The following THSD7B variants were observed in gnomAD, a reference collection of about 807,000 sequenced individuals.
THSD7B encodes thrombospondin type 1 domain containing 7B, also known as thrombospondin type-1 domain-containing protein 7B.
In THSD7B, 138 loss-of-function variants were observed where a neutral mutation model predicts 213.6. That is an observed-to-expected ratio of 0.65 (90% CI 0.56 to 0.74). The LOEUF (loss-of-function observed/expected upper bound fraction) is 0.74, where lower values mean the gene tolerates loss of function less well. THSD7B is among the 30% of genes least tolerant of loss of function. The probability of loss-of-function intolerance (pLI) is 0.00; values close to 1 mark genes in which losing one functional copy is unlikely to be tolerated. For missense variants in THSD7B, 1,931 were observed against 1,991.5 expected (o/e 0.97, Z 0.58); for synonymous variants, 742 against 687.0 (o/e 1.08, Z -1.25).
At chr2:136,767,490 T>TTG (rs1325519035) in intron 1 of THSD7B, among the ~76,000 whole-genome samples, 1 of 100,158 alleles carries the variant, frequency 1.0e-5, no homozygotes, top group African/African-American at 3.1e-5. Context: ...TTGTGTGTAT[T>TTG]TGTGTGTGTG....
At chr2:136,840,621 G>T (rs1682907361) in intron 1 of THSD7B, among the ~76,000 whole-genome samples, 2 of 152,086 alleles carry the variant, frequency 1.3e-5, no homozygotes, top group South Asian at 2.1e-4. Flanking sequence ...AAAGTAAACA[G>T]GTCCAGATCA....
intron 12 of THSD7B, among the ~76,000 whole-genome samples, chr2:137,318,454 G>A (rs1004220907): frequency 6.6e-6 from 1 of 151,992 alleles, no homozygotes; most frequent in Non-Finnish European, 1.5e-5. Flanking sequence ...CACCCAGGAG[G>A]TACAATATAG....
intron 15 of THSD7B, among the ~76,000 whole-genome samples, chr2:137,456,689 A>G (rs1377436): frequency 0.98 from 149,859 of 152,304 alleles, 73,770 homozygotes; most frequent in Non-Finnish European, 1. Context: ...TCTTACATGC[A>G]GAGGGGAGGT....
rs901209819 is a variant in THSD7B at position 137,607,554 on chromosome 2, T to C, written c.3424-8621T>C. ...GTTCTCATGGGTCGCAATAATGTCC[T>C]TTATAGTGTTTATATTTTTTTGATT... On this transcript the variant is annotated intron_variant, in intron 17 of 27. Coordinates refer to ENST00000409968, the MANE Select transcript of THSD7B (RefSeq NM_001316349.2). Among the ~76,000 whole-genome samples, 6 of 152,324 alleles carry C rather than the reference T, an allele frequency of 3.9e-5. No individual in the cohort carries two copies. The South Asian group carries it at 8.3e-4, about 21-fold the overall frequency.
intron 2 of THSD7B, among the ~76,000 whole-genome samples, chr2:136,976,901 G>A (rs946371698): frequency 3.9e-5 from 6 of 152,144 alleles, no homozygotes; most frequent in East Asian, 3.9e-4. Context: ...GATTACAGGC[G>A]TGAGCCACCG....
intron 12 of THSD7B, among the ~76,000 whole-genome samples, chr2:137,379,430 C>CAT (rs752885192): frequency 3.9e-5 from 6 of 152,096 alleles, no homozygotes; most frequent in Non-Finnish European, 7.4e-5. Context: ...TCAAAAGTTG[C>CAT]ATATATGTCA....
intron 2 of THSD7B, among the ~76,000 whole-genome samples, chr2:137,046,815 C>T (rs1046798858): frequency 6.6e-6 from 1 of 150,942 alleles, no homozygotes; most frequent in African/African-American, 2.4e-5. Context: ...ATTGGGGGAA[C>T]CGAAAGGTGG....
chr2:136,999,219 G>T (rs1409472294), intron 2 of THSD7B, among the ~76,000 whole-genome samples: 3 of 152,038 alleles, frequency 2.0e-5, no homozygotes, highest in Non-Finnish European at 2.9e-5. Context: ...CTACTTTTCT[G>T]GCACAATAGA....
At chr2:137,398,826 C>A (rs996657447) in intron 12 of THSD7B, among the ~76,000 whole-genome samples, 1 of 152,222 alleles carries the variant, frequency 6.6e-6, no homozygotes, top group Admixed American at 6.5e-5. Context: ...ATTCCGTGGG[C>A]GTAGGACCCT....
chr2:137,165,678 A>G (rs1045970456), intron 6 of THSD7B, among the ~76,000 whole-genome samples: 3 of 152,222 alleles, frequency 2.0e-5, no homozygotes, highest in South Asian at 4.1e-4. Flanking sequence ...TCACATCTGA[A>G]TTCTCTACTC....
intron 7 of THSD7B, among the ~76,000 whole-genome samples, chr2:137,211,309 A>G (rs991177476): frequency 8.0e-6 from 1 of 124,638 alleles, no homozygotes; most frequent in African/African-American, 2.7e-5. Flanking sequence ...TTGCTTGTCT[A>G]TTCAACAGAC....
intron 2 of THSD7B, among the ~76,000 whole-genome samples, chr2:136,926,259 T>G (rs1411302558): frequency 6.6e-6 from 1 of 152,156 alleles, no homozygotes; most frequent in Non-Finnish European, 1.5e-5. Flanking sequence ...CCTTCTTGAT[T>G]AACTGAAGTA....
intron 2 of THSD7B, among the ~76,000 whole-genome samples, chr2:136,928,796 A>G (rs1684583728): frequency 6.6e-6 from 1 of 152,178 alleles, no homozygotes; most frequent in African/African-American, 2.4e-5. Flanking sequence ...CATCTGAAAT[A>G]TATCTGCAGA....
At chr2:137,181,007 T>C (rs534848547) in intron 7 of THSD7B, among the ~76,000 whole-genome samples, 3 of 152,294 alleles carry the variant, frequency 2.0e-5, no homozygotes, top group African/African-American at 7.2e-5. Flanking sequence ...AGAGATCACC[T>C]GTACAACGAA....
At chr2:137,014,730 G>A (rs1172220828) in intron 2 of THSD7B, among the ~76,000 whole-genome samples, 1 of 152,146 alleles carries the variant, frequency 6.6e-6, no homozygotes, top group East Asian at 1.9e-4. Context: ...GTTTATCTGG[G>A]TTATTCAGAT....
At chr2:137,415,664 G>T (rs1355605674) in intron 14 of THSD7B, among the ~76,000 whole-genome samples, 7 of 80,118 alleles carry the variant, frequency 8.7e-5, no homozygotes, top group Non-Finnish European at 9.4e-5. Flanking sequence ...TTATATCAGT[G>T]TTTTTTTTTT....
intron 15 of THSD7B, among the ~76,000 whole-genome samples, chr2:137,552,787 G>A (rs757247496): frequency 6.6e-6 from 1 of 152,188 alleles, no homozygotes; most frequent in Non-Finnish European, 1.5e-5. Flanking sequence ...TCAGAATGGA[G>A]GAAAGCATAA....
At chr2:137,341,061 A>AGTTCCCTTTTCTCGAG (rs1285992033) in intron 12 of THSD7B, among the ~76,000 whole-genome samples, 3 of 148,522 alleles carry the variant, frequency 2.0e-5, no homozygotes, top group African/African-American at 7.4e-5. Flanking sequence ...TCCCACCAAC[A>AGTTCCCTTTTCTCGAG]GTTCCCTTTT....
chr2:137,114,371 A>G (rs1009902892), intron 4 of THSD7B, among the ~76,000 whole-genome samples: 1 of 152,230 alleles, frequency 6.6e-6, no homozygotes, highest in South Asian at 2.1e-4. Flanking sequence ...TGAATGTAGT[A>G]GTGTGATAGT....
Sources: allele counts gnomAD v4.1 joint callset (sites outside exome capture counted in the v4.1 genomes callset), GRCh38; gene constraint gnomAD v4.1.1; transcripts MANE v1.5; gene names NCBI Gene and HGNC (gene_info 2026-07-23, HGNC 2026-07-21).